SHROOM1: variants seen among roughly 807,000 people sequenced by gnomAD.
SHROOM1 encodes the protein shroom family member 1, also known as protein Shroom1.
Under a neutral mutation model 64.2 loss-of-function variants are expected in SHROOM1, and 53 were observed. The observed-to-expected ratio is 0.83, with a 90% CI of 0.66 to 1.04. SHROOM1 has a LOEUF of 1.04. Ranked by LOEUF, SHROOM1 falls within the 50% of genes least tolerant of loss-of-function variation. SHROOM1 has a pLI of 0.00. For synonymous variants in SHROOM1, 490 were observed against 518.9 expected (o/e 0.94, Z 0.76); for missense variants, 1,179 against 1,163.2 (o/e 1.01, Z -0.20).
chr5:132,823,011 G>C lies in SHROOM1; in HGVS notation c.2344C>G (p.Pro782Ala). The change falls in exon 10 of 10, where the codon CCG becomes GCG. Residue 782 changes from proline (P) to alanine (A), a missense_variant. By Grantham distance (27) the Pro-to-Ala change is conservative. Transcript: ENST00000378679. This position sits in a 1 kb window ranked among gnomAD's most constrained non-coding sequence, Gnocchi z 4.6. ...CAATAGACGCGCAGCTCCTCCACCGGTAGTGCTCGCACCAGCACCTCCCGC... is the reference window on the plus strand; with the variant it reads ...CAATAGACGCGCAGCTCCTCCACCGCTAGTGCTCGCACCAGCACCTCCCGC... Reference protein sequence around the residue: ...AVREVLVRALPVEELRVYCAL... With the variant: ...AVREVLVRALAVEELRVYCAL... 1 of 1,604,108 alleles carries C rather than the reference G, an allele frequency of 6.2e-7. No homozygotes were observed. The highest frequency in any genetic ancestry group is 8.5e-7 in the Non-Finnish European group (1 of 1,179,614).
chr5:132,828,090 G>A (rs1758757723), intron 1 of SHROOM1, among the ~76,000 whole-genome samples: 2 of 152,076 alleles, frequency 1.3e-5, no homozygotes, highest in Admixed American at 1.3e-4. Context: ...GAGTAGGGTG[G>A]CCCACGGCTA....
In SHROOM1 at chr5:132,826,117, G is replaced by GC; in HGVS notation, c.23dup (p.Asp9ArgfsTer10). The stretch of plus-strand genomic sequence containing the variant: ...TGGACGAGGCCGGGGAGGCGCGGTC[G>GC]CCCCCAGGTCCCAGGGCCTCCATGG... On this transcript the variant is annotated frameshift_variant, in exon 4 of 10. Coordinates refer to ENST00000378679, the MANE Select transcript of SHROOM1 (RefSeq NM_001172700.2). LOFTEE classifies it high-confidence loss of function. 1 of 1,389,472 alleles carries GC rather than the reference G, an allele frequency of 7.2e-7. No homozygotes were observed. The highest frequency in any genetic ancestry group is 9.3e-7 in the Non-Finnish European group (1 of 1,071,322). 86.1% of individuals were successfully genotyped at this position (1,389,472 alleles called of 1,614,324 possible).
chr5:132,824,014 C>A lies in SHROOM1; in HGVS notation c.1647G>T (p.Leu549=), dbSNP rs760856841. The change falls in exon 7 of 10, where the codon CTG becomes CTT. Residue 549 remains leucine, a synonymous_variant. Transcript: ENST00000378679. ...SQCLEELVQE[L]ARLDPSLCDP... ...CACATAGAGAGGGATCTAATCTGGC[C>A]AGCTCCTGAACCAGCTCCTCGAGGC... 3 of 1,606,764 alleles carry A rather than the reference C, an allele frequency of 1.9e-6. No homozygotes were observed. Among genetic ancestry groups the A allele is most frequent in the Non-Finnish European group, 8.5e-7 (1 of 1,176,150 alleles).
chr5:132,828,558 C>G (rs1014876941), intron 1 of SHROOM1, among the ~76,000 whole-genome samples: 1 of 152,204 alleles, frequency 6.6e-6, no homozygotes, highest in Non-Finnish European at 1.5e-5. Context: ...CTTGGGAGCA[C>G]TAGCTCATGT....
In SHROOM1 at chr5:132,823,219, C is replaced by T. The variant is rs1265681610; in HGVS notation, c.2226+31G>A. 6.4e-7 allele frequency: 1 copy of T among 1,573,858 alleles called. No homozygotes were observed. On this transcript the variant is annotated intron_variant, in intron 9 of 9. Coordinates refer to ENST00000378679, the MANE Select transcript of SHROOM1 (RefSeq NM_001172700.2). The surrounding 1 kb of genome is among the most constrained non-coding windows in gnomAD (Gnocchi z 4.6). ...CCGGAGACAGCAGGCCCCTCACCGC[C>T]CTACTCGCTTGCAACCTGAACCCCT...
At position 132,826,313 on chromosome 5, in the gene SHROOM1, C is replaced by T; in HGVS notation, c.-79G>A. The T allele has an allele frequency of 8.1e-7, 1 of 1,238,278 alleles. No individual in the cohort carries two copies. The highest frequency in any genetic ancestry group is 1.0e-6 in the Non-Finnish European group (1 of 991,588). The allele number at this position is 1,238,278 out of a possible 1,614,324, so 76.7% of individuals were successfully genotyped here. A position where few individuals can be genotyped will look rare whatever the true frequency, so the allele number is the denominator to read the frequency against. On this transcript the variant is annotated 5_prime_UTR_variant, in exon 3 of 10. It removes an upstream start codon present in the reference 5' UTR. Coordinates refer to ENST00000378679, the MANE Select transcript of SHROOM1 (RefSeq NM_001172700.2). ...CTGGTCACACCGTCACAAGCGCTGGCATCCCCCAGATTTTGGCAGAGTCAC... is the reference window on the plus strand; with the variant it reads ...CTGGTCACACCGTCACAAGCGCTGGTATCCCCCAGATTTTGGCAGAGTCAC...
rs769990364 is a variant in SHROOM1, at chr5:132,823,222, A to G, written c.2226+28T>C. ...GAGACAGCAGGCCCCTCACCGCCCTACTCGCTTGCAACCTGAACCCCTTTT... is the reference window on the plus strand; with the variant it reads ...GAGACAGCAGGCCCCTCACCGCCCTGCTCGCTTGCAACCTGAACCCCTTTT... On this transcript the variant is annotated intron_variant, in intron 9 of 9. Transcript: ENST00000378679. The surrounding 1 kb of genome is among the most constrained non-coding windows in gnomAD (Gnocchi z 4.6). 5 of 1,575,274 alleles carry G rather than the reference A, an allele frequency of 3.2e-6. No homozygotes were observed. The highest frequency in any genetic ancestry group is 3.4e-6 in the Non-Finnish European group (4 of 1,167,322).
Position 132,823,276 on chromosome 5 carries a change from C to CCGCCCGGGCCAGGGCGCGG in SHROOM1, c.2181_2199dup (p.Ala734ProfsTer13). 2.5e-6 allele frequency: 4 copies of CCGCCCGGGCCAGGGCGCGG among 1,599,120 alleles called. No homozygotes were observed. The highest frequency in any genetic ancestry group is 3.4e-6 in the Non-Finnish European group (4 of 1,178,326). On this transcript the variant is annotated frameshift_variant, in exon 9 of 10. Transcript: ENST00000378679. LOFTEE classifies it high-confidence loss of function. The surrounding 1 kb of genome is among the most constrained non-coding windows in gnomAD (Gnocchi z 4.6). ...TGCTCATCAGGGTCGCTGTCTGAGG[C>CCGCCCGGGCCAGGGCGCGG]CGCCCGGGCCAGGGCGCGGCGCACG... is the stretch of plus-strand genomic sequence containing the variant.
Position 132,824,436 on chromosome 5 carries a change from C to T in SHROOM1, c.1242-17G>A, listed in dbSNP as rs1279815380. Reference sequence around the variant, plus strand: ...GCATGGACACTGGAAGCAGAAAAGACACTGAATCAGAAAAAGCTCCAGCCA... The same window carrying T: ...GCATGGACACTGGAAGCAGAAAAGATACTGAATCAGAAAAAGCTCCAGCCA... On this transcript the variant is annotated splice_polypyrimidine_tract_variant and intron_variant, in intron 6 of 9. Transcript: ENST00000378679. The T allele has an allele frequency of 6.6e-7, 1 of 1,523,868 alleles. No individual in the cohort carries two copies. Among genetic ancestry groups the T allele is most frequent in the Admixed American group, 2.2e-5 (1 of 45,324 alleles). The allele number at this position is 1,523,868 out of a possible 1,614,324, so 94.4% of individuals were successfully genotyped here.
At position 132,825,480 on chromosome 5, in the gene SHROOM1, A is replaced by C. The variant is rs1581232230; in HGVS notation, c.661T>G (p.Trp221Gly). ...AGCTTTCCTGGCTCTGAGAAGCACC[A>C]CTTCCGCTGCTGGTTGGCGAGGGGA... ...RGPLANQQRK[W>G]CFSEPGKLDR... Residue 221 changes from tryptophan to glycine, a missense_variant, in exon 4 of 10, where the codon TGG (tryptophan) becomes GGG (glycine). Transcript: ENST00000378679. The surrounding 1 kb of genome is among the most constrained non-coding windows in gnomAD (Gnocchi z 5.1). The C allele has an allele frequency of 2.0e-6, 3 of 1,532,710 alleles. No individual in the cohort carries two copies. In the African/African-American group the frequency reaches 4.2e-5, roughly 21 times the overall value. The allele number at this position is 1,532,710 out of a possible 1,614,324, so 94.9% of individuals were successfully genotyped here. A position where few individuals can be genotyped will look rare whatever the true frequency, so the allele number is the denominator to read the frequency against.
In SHROOM1 at chr5:132,825,488, T is replaced by C; in HGVS notation, c.653A>G (p.Gln218Arg). Residue 218 changes from glutamine (Q) to arginine (R), a missense_variant, in exon 4 of 10, where the codon CAG (glutamine) becomes CGG (arginine). Physicochemically the swap from Gln to Arg is conservative, Grantham distance 43. Transcript: ENST00000378679. The surrounding 1 kb of genome is among the most constrained non-coding windows in gnomAD (Gnocchi z 5.1). ...TGGCTCTGAGAAGCACCACTTCCGCTGCTGGTTGGCGAGGGGACCCCGGCC... is the reference window on the plus strand; with the variant it reads ...TGGCTCTGAGAAGCACCACTTCCGCCGCTGGTTGGCGAGGGGACCCCGGCC... ...TAGRGPLANQQRKWCFSEPGK... is the reference protein window; with the variant it reads ...TAGRGPLANQRRKWCFSEPGK... 6.6e-7 allele frequency: 1 copy of C among 1,522,068 alleles called. No homozygotes were observed. The highest frequency in any genetic ancestry group is 8.8e-7 in the Non-Finnish European group (1 of 1,139,786). The allele number at this position is 1,522,068 out of a possible 1,614,324, so 94.3% of individuals were successfully genotyped here. A position where few individuals can be genotyped will look rare whatever the true frequency, so the allele number is the denominator to read the frequency against.
chr5:132,827,808 C>T (rs1249483882), intron 1 of SHROOM1, among the ~76,000 whole-genome samples: 2 of 152,144 alleles, frequency 1.3e-5, no homozygotes, highest in African/African-American at 2.4e-5. Context: ...GGGTGAAGCA[C>T]TTGCCACCAT....
In SHROOM1 at chr5:132,823,198, A is replaced by T; in HGVS notation, c.2226+52T>A. 6.4e-7 allele frequency: 1 copy of T among 1,555,682 alleles called. No individual in the cohort carries two copies. Among genetic ancestry groups the T allele is most frequent in the Non-Finnish European group, 8.6e-7 (1 of 1,159,092 alleles). On this transcript the variant is annotated intron_variant, in intron 9 of 9. Transcript: ENST00000378679. This position sits in a 1 kb window ranked among gnomAD's most constrained non-coding sequence, Gnocchi z 4.6. ...CCGCTCCCGGAATGGTTCCAGCCGG[A>T]GACAGCAGGCCCCTCACCGCCCTAC...
chr5:132,826,014 G>A lies in SHROOM1; in HGVS notation c.127C>T (p.Pro43Ser). 6.5e-7 allele frequency: 1 copy of A among 1,532,750 alleles called. No individual in the cohort carries two copies. The highest frequency in any genetic ancestry group is 2.6e-5 in the East Asian group (1 of 38,414). 94.9% of individuals were successfully genotyped at this position (1,532,750 alleles called of 1,614,324 possible). ...YSSFSAASGGPEPRTQSPGTD... is the reference protein window; with the variant it reads ...YSSFSAASGGSEPRTQSPGTD... The stretch of plus-strand genomic sequence containing the variant: ...CCCGGCGACTGCGTGCGCGGCTCGG[G>A]GCCGCCGGAGGCTGCGGAGAAAGAG... Residue 43 changes from proline to serine, a missense_variant, in exon 4 of 10, where the codon CCC (proline) becomes TCC (serine). Pro to Ser is a moderately conservative substitution (Grantham distance 74, BLOSUM62 -1). Transcript: ENST00000378679.
rs1454979486 is a variant in SHROOM1 at position 132,822,821 on chromosome 5, G to A, written c.2534C>T (p.Pro845Leu). 4 of 1,610,052 alleles carry A rather than the reference G, an allele frequency of 2.5e-6. No homozygotes were observed. The highest frequency in any genetic ancestry group is 3.4e-6 in the Non-Finnish European group (4 of 1,178,600). ...CTATGTAAGGAGAAGAGGGAAGGGC[G>A]GCTGAACTGGAGGACAGGTCCCTGG... ...RPPGTCPPVQ[P>L]PFPLLLT The change falls in exon 10 of 10, where the codon CCG becomes CTG. Residue 845 changes from proline to leucine, a missense_variant. Coordinates refer to ENST00000378679, the MANE Select transcript of SHROOM1 (RefSeq NM_001172700.2).
chr5:132,829,900 C>A (rs1402819940), intron 1 of SHROOM1: 1 of 985,354 alleles, frequency 1.0e-6, no homozygotes. Flanking sequence ...GACTGGTTTA[C>A]GGGCTCATCG....
chr5:132,825,094 C>T lies in SHROOM1; in HGVS notation c.979-21G>A, dbSNP rs927990366. 12 of 1,613,984 alleles carry T rather than the reference C, an allele frequency of 7.4e-6. No homozygotes were observed. The African/African-American group carries it at 1.5e-4, about 20-fold the overall frequency. ...ACAGCCTGGAAGGGTGAACAGTCGA[C>T]TGAAATGTGGCTCAAGTTTTGTTTC... On this transcript the variant is annotated intron_variant, in intron 4 of 9. Coordinates refer to ENST00000378679, the MANE Select transcript of SHROOM1 (RefSeq NM_001172700.2). This position sits in a 1 kb window ranked among gnomAD's most constrained non-coding sequence, Gnocchi z 5.1.
At chr5:132,828,819 T>C (rs1758772867) in intron 1 of SHROOM1, among the ~76,000 whole-genome samples, 1 of 152,264 alleles carries the variant, frequency 6.6e-6, no homozygotes, top group African/African-American at 2.4e-5. Flanking sequence ...CAGGTTGATG[T>C]TCACGCAGGC....
In SHROOM1 at chr5:132,826,309, C is replaced by G; in HGVS notation, c.-75G>C. On this transcript the variant is annotated 5_prime_UTR_variant, in exon 3 of 10. Coordinates refer to ENST00000378679, the MANE Select transcript of SHROOM1 (RefSeq NM_001172700.2). ...CTCCCTGGTCACACCGTCACAAGCG[C>G]TGGCATCCCCCAGATTTTGGCAGAG... 2 of 1,239,090 alleles carry G rather than the reference C, an allele frequency of 1.6e-6. No homozygotes were observed. Among genetic ancestry groups the G allele is most frequent in the Middle Eastern group, 3.1e-4 (1 of 3,232 alleles). The allele number at this position is 1,239,090 out of a possible 1,614,324, so 76.8% of individuals were successfully genotyped here.
Sources: allele counts gnomAD v4.1 joint callset (sites outside exome capture counted in the v4.1 genomes callset), GRCh38; gene constraint gnomAD v4.1.1; non-coding constraint Gnocchi (gnomAD v3.1); transcripts MANE v1.5; gene names NCBI Gene and HGNC (gene_info 2026-07-23, HGNC 2026-07-21).